CERT1: variants seen among roughly 807,000 people sequenced by gnomAD.
CERT1 encodes the protein ceramide transporter 1.
A neutral mutation model predicts 87.9 loss-of-function variants in CERT1; 31 were observed. That is an observed-to-expected ratio of 0.35 (90% CI 0.27 to 0.48). The LOEUF (loss-of-function observed/expected upper bound fraction) is 0.48, where lower values mean the gene tolerates loss of function less well. Ranked by LOEUF, CERT1 falls within the 20% of genes least tolerant of loss-of-function variation. CERT1 has a pLI of 0.99. For missense variants in CERT1, 487 were observed against 758.0 expected (o/e 0.64, Z 4.20); for synonymous variants, 289 against 250.9 (o/e 1.15, Z -1.44).
At chr5:75,397,141 C>T (rs1289720683) in intron 11 of CERT1, among the ~76,000 whole-genome samples, 1 of 152,182 alleles carries the variant, frequency 6.6e-6, no homozygotes, top group Non-Finnish European at 1.5e-5. Flanking sequence ...AATTTAATTA[C>T]AACAGTGAAT....
chr5:75,464,829 T>C (rs1038397610), intron 2 of CERT1, among the ~76,000 whole-genome samples: 4 of 152,134 alleles, frequency 2.6e-5, no homozygotes, highest in African/African-American at 9.7e-5. Flanking sequence ...CCATCTGCCT[T>C]GATCTCCCAA....
intron 11 of CERT1, among the ~76,000 whole-genome samples, chr5:75,390,783 C>A (rs1387546055): frequency 6.6e-6 from 1 of 152,084 alleles, no homozygotes; most frequent in Non-Finnish European, 1.5e-5. Flanking sequence ...CAGTTTTGAA[C>A]ATATTTCAAA....
chr5:75,505,982 T>G lies in CERT1; in HGVS notation c.231A>C (p.Thr77=), dbSNP rs1474191935. The stretch of plus-strand genomic sequence containing the variant: ...TGAATGAAGAAGAAAAGGAACTTAC[T>G]GTGATGACAGCCTTGCTAAGACAGA... The part of the protein sequence containing the change: ...GSICLSKAVI[T]PHDFDECRFD... The change falls in exon 2 of 17, where the codon ACA becomes ACC. Residue 77 remains threonine, a splice_region_variant and synonymous_variant. Coordinates refer to ENST00000643780, the MANE Select transcript of CERT1 (RefSeq NM_001379029.1). The G allele has an allele frequency of 1.2e-6, 2 of 1,612,504 alleles. No homozygotes were observed. The highest frequency in any genetic ancestry group is 2.2e-5 in the South Asian group (2 of 90,956).
chr5:75,505,872 A>G (rs1767626745), intron 2 of CERT1, 110 bp downstream of exon 2: 1 of 785,062 alleles, frequency 1.3e-6, no homozygotes, highest in African/African-American at 1.8e-5. Flanking sequence ...TTCTACAAGG[A>G]CAAGGATCTT....
chr5:75,490,911 C>G (rs1263636466), intron 2 of CERT1, among the ~76,000 whole-genome samples: 1 of 151,964 alleles, frequency 6.6e-6, no homozygotes, highest in African/African-American at 2.4e-5. Flanking sequence ...GCATTTTTCC[C>G]CTGGTTTTCA....
intron 12 of CERT1, among the ~76,000 whole-genome samples, chr5:75,386,550 C>A (rs1179464872): frequency 6.6e-6 from 1 of 152,100 alleles, no homozygotes; most frequent in East Asian, 1.9e-4. Context: ...AGGTTACATA[C>A]CTTAAATGCT....
intron 2 of CERT1, among the ~76,000 whole-genome samples, chr5:75,477,758 A>G (rs1223087491): frequency 1.3e-5 from 2 of 151,154 alleles, no homozygotes; most frequent in African/African-American, 2.4e-5. Flanking sequence ...TTGTATATAT[A>G]AAAAAAATCA....
intron 11 of CERT1, among the ~76,000 whole-genome samples, chr5:75,394,771 G>A (rs1054556491): frequency 1.3e-5 from 2 of 152,030 alleles, no homozygotes; most frequent in African/African-American, 4.8e-5. Flanking sequence ...ACTTGAAAAT[G>A]TTCATGGCCT....
intron 2 of CERT1, among the ~76,000 whole-genome samples, chr5:75,503,899 A>ATTTT (rs1396232110): frequency 6.6e-6 from 1 of 151,142 alleles, no homozygotes; most frequent in Non-Finnish European, 1.5e-5. Flanking sequence ...AAACATTTAA[A>ATTTT]TTAAATGTTT....
chr5:75,505,775 A>G (rs1342996146), intron 2 of CERT1: 2 of 356,282 alleles, frequency 5.6e-6, no homozygotes, highest in Non-Finnish European at 1.0e-5. Context: ...TACCCACCAG[A>G]TAAAAACTAC....
chr5:75,496,143 A>C (rs1402434150), intron 2 of CERT1, among the ~76,000 whole-genome samples: 2 of 152,130 alleles, frequency 1.3e-5, no homozygotes, highest in African/African-American at 4.8e-5. Flanking sequence ...ACATTAAGAC[A>C]ACAAACACAA....
At chr5:75,407,031 A>G (rs1349726422) in intron 8 of CERT1, among the ~76,000 whole-genome samples, 1 of 152,176 alleles carries the variant, frequency 6.6e-6, no homozygotes, top group Non-Finnish European at 1.5e-5. Context: ...ACAAGAAAAG[A>G]TAGATGGTTC....
chr5:75,470,527 T>A (rs1030139770), intron 2 of CERT1, among the ~76,000 whole-genome samples: 2 of 152,154 alleles, frequency 1.3e-5, no homozygotes, highest in African/African-American at 4.8e-5. Context: ...AAAAACCCTA[T>A]GATCAATAGA....
chr5:75,379,611 G>A, intron 16 of CERT1, 138 bp from the exon 17 acceptor site: 5 of 811,188 alleles, frequency 6.2e-6, no homozygotes. Context: ...TTTTGAGACG[G>A]AGTCTTGCTC....
chr5:75,428,372 C>A (rs1254746572), intron 3 of CERT1, among the ~76,000 whole-genome samples: 6 of 152,046 alleles, frequency 3.9e-5, no homozygotes, highest in African/African-American at 1.4e-4. Flanking sequence ...AGACTCTGAA[C>A]ACACATTAAT....
intron 2 of CERT1, among the ~76,000 whole-genome samples, chr5:75,465,371 T>C (rs1765415889): frequency 6.6e-6 from 1 of 152,210 alleles, no homozygotes; most frequent in South Asian, 2.1e-4. Context: ...GACTTAAAAT[T>C]GTCTAAGTCT....
intron 2 of CERT1, among the ~76,000 whole-genome samples, chr5:75,494,623 C>G (rs1273372237): frequency 6.6e-6 from 1 of 152,158 alleles, no homozygotes; most frequent in East Asian, 1.9e-4. Flanking sequence ...CTCTCCACCC[C>G]CAACTCTCCA....
rs1376536172 is a variant in CERT1 at position 75,411,063 on chromosome 5, T to C, written c.878A>G (p.Asn293Ser). 1 of 1,595,678 alleles carries C rather than the reference T, an allele frequency of 6.3e-7. No individual in the cohort carries two copies. The highest frequency in any genetic ancestry group is 1.7e-5 in the Admixed American group (1 of 58,134). ...KKRRTEEAYK[N>S]AMTELKKKSH... The stretch of plus-strand genomic sequence containing the variant: ...TTTTTTCTTAAGTTCTGTCATTGCA[T>C]TTTTATATGCTTCCTCTGTTCTTCT... Residue 293 changes from asparagine (N) to serine (S), a missense_variant, in exon 8 of 17, where the codon AAT (asparagine) becomes AGT (serine). Physicochemically the swap from Asn to Ser is conservative, Grantham distance 46. This residue lies in a region of CERT1 where 21 missense variants were observed against 20.4 expected (regional missense o/e 1.03). Coordinates refer to ENST00000643780, the MANE Select transcript of CERT1 (RefSeq NM_001379029.1).
At chr5:75,487,415 T>C (rs896098213) in intron 2 of CERT1, among the ~76,000 whole-genome samples, 2 of 152,080 alleles carry the variant, frequency 1.3e-5, no homozygotes, top group Non-Finnish European at 2.9e-5. Flanking sequence ...AACATTGTAC[T>C]GGTCAAAGAT....
Sources: gnomAD v4.1 joint callset for allele counts (sites outside exome capture counted in the v4.1 genomes callset) on GRCh38, gnomAD v4.1.1 for gene constraint, gnomAD v4.1.1 regional missense constraint, MANE v1.5 for transcripts, NCBI Gene and HGNC (gene_info 2026-07-23, HGNC 2026-07-21) for gene names.